CTNNA2: variants seen among roughly 807,000 people sequenced by gnomAD.
CTNNA2 encodes catenin alpha-2.
In CTNNA2, 42 loss-of-function variants were observed where a neutral mutation model predicts 101.0. That is an observed-to-expected ratio of 0.42 (90% CI 0.32 to 0.54). CTNNA2 has a LOEUF of 0.54. CTNNA2 is among the 20% of genes least tolerant of loss of function. The pLI is 0.14. For missense variants in CTNNA2, 871 were observed against 1,223.1 expected (o/e 0.71, Z 4.29); for synonymous variants, 450 against 456.4 (o/e 0.99, Z 0.18).
chr2:80,514,631 C>T (rs910045713), intron 9 of CTNNA2, among the ~76,000 whole-genome samples: 2 of 152,070 alleles, frequency 1.3e-5, no homozygotes, highest in Admixed American at 1.3e-4. Flanking sequence ...GGTGACCAGG[C>T]AGGCAGGTAA....
At chr2:80,594,145 C>A (rs1696745492) in intron 15 of CTNNA2, among the ~76,000 whole-genome samples, 1 of 152,112 alleles carries the variant, frequency 6.6e-6, no homozygotes, top group Non-Finnish European at 1.5e-5. Context: ...CACATCCTTG[C>A]CAAAACTTGT....
chr2:79,954,594 C>A (rs1689100690), intron 7 of CTNNA2, among the ~76,000 whole-genome samples: 1 of 152,148 alleles, frequency 6.6e-6, no homozygotes. Flanking sequence ...TTAGACTCAG[C>A]AAACTGTTTA....
At chr2:80,511,456 T>C (rs973150473) in intron 9 of CTNNA2, among the ~76,000 whole-genome samples, 1 of 152,228 alleles carries the variant, frequency 6.6e-6, no homozygotes, top group African/African-American at 2.4e-5. Flanking sequence ...ATACAACTTC[T>C]ATCCCAGTGT....
chr2:80,016,534 A>G (rs1385337813), intron 7 of CTNNA2, among the ~76,000 whole-genome samples: 2 of 152,202 alleles, frequency 1.3e-5, no homozygotes, highest in Non-Finnish European at 2.9e-5. Flanking sequence ...ATTTCAGGAA[A>G]TCAGTCCTGA....
At chr2:80,144,433 A>G (rs1379644413) in intron 7 of CTNNA2, among the ~76,000 whole-genome samples, 4 of 152,220 alleles carry the variant, frequency 2.6e-5, no homozygotes, top group African/African-American at 9.6e-5. Context: ...ATTCCTAAAG[A>G]CAAACAAGTA....
intron 7 of CTNNA2, among the ~76,000 whole-genome samples, chr2:80,087,233 G>T (rs1699499553): frequency 6.6e-6 from 1 of 151,966 alleles, no homozygotes; most frequent in Non-Finnish European, 1.5e-5. Flanking sequence ...CACTTTCTAT[G>T]TATATCCTGA....
At chr2:80,508,997 T>C (rs966812891) in intron 9 of CTNNA2, among the ~76,000 whole-genome samples, 1 of 152,202 alleles carries the variant, frequency 6.6e-6, no homozygotes, top group African/African-American at 2.4e-5. Flanking sequence ...CATGGATGCA[T>C]CTGATCTACC....
chr2:79,380,861 T>C (rs1678030394), intron 4 of CTNNA2, among the ~76,000 whole-genome samples: 1 of 152,174 alleles, frequency 6.6e-6, no homozygotes, highest in Non-Finnish European at 1.5e-5. Context: ...TGCACTGCAG[T>C]CCAGTATGCC....
At chr2:79,542,779 T>G (rs779450842) in intron 1 of CTNNA2, among the ~76,000 whole-genome samples, 1 of 152,162 alleles carries the variant, frequency 6.6e-6, no homozygotes, top group Non-Finnish European at 1.5e-5. Flanking sequence ...TTTATTTTAG[T>G]AAGACCATTT....
At chr2:79,210,904 A>G (rs1356563444) in intron 2 of CTNNA2, among the ~76,000 whole-genome samples, 2 of 152,090 alleles carry the variant, frequency 1.3e-5, no homozygotes, top group Admixed American at 1.3e-4. Context: ...AGTGTCTCTG[A>G]AGCCCTCCCT....
At chr2:80,522,145 G>A (rs1278122068) in intron 9 of CTNNA2, among the ~76,000 whole-genome samples, 1 of 152,166 alleles carries the variant, frequency 6.6e-6, no homozygotes, top group East Asian at 1.9e-4. Context: ...CTGAACAAAG[G>A]TCATGTCCAA....
At position 79,917,084 on chromosome 2, in the gene CTNNA2, T is replaced by TTTA. The variant is rs1180157875; in HGVS notation, c.1056+7289_1056+7290insATT. On this transcript the variant is annotated intron_variant, in intron 7 of 18. Coordinates refer to ENST00000402739, the MANE Select transcript of CTNNA2 (RefSeq NM_001282597.3). Reference sequence around the variant, plus strand: ...CCTTATTTATTTATTTATTTATTTATTTTTTTGAGACGGAGTCTTGCTTTG... The same window carrying TTTA: ...CCTTATTTATTTATTTATTTATTTATTTATTTTTTGAGACGGAGTCTTGCTTTG... Among the ~76,000 whole-genome samples the TTTA allele has an allele frequency of 1.8e-3, 228 of 127,936 alleles. 3 individuals are homozygous for TTTA. The East Asian group carries it at 0.066, about 37-fold the overall frequency. The allele number at this position is 127,936 out of a possible 152,430, so 83.9% of individuals were successfully genotyped here. A position where few individuals can be genotyped will look rare whatever the true frequency, so the allele number is the denominator to read the frequency against.
intron 9 of CTNNA2, among the ~76,000 whole-genome samples, chr2:80,458,925 A>C (rs1684199549): frequency 6.6e-6 from 1 of 152,226 alleles, no homozygotes; most frequent in Non-Finnish European, 1.5e-5. Flanking sequence ...CCATAAAATT[A>C]TAATGAAGCT....
intron 7 of CTNNA2, among the ~76,000 whole-genome samples, chr2:80,239,633 C>T (rs563944686): frequency 2.6e-5 from 4 of 152,106 alleles, no homozygotes; most frequent in African/African-American, 9.6e-5. Context: ...TAGTTATGGC[C>T]TGGCGTGGTG....
intron 2 of CTNNA2, among the ~76,000 whole-genome samples, chr2:79,667,239 A>G (rs548602174): frequency 6.6e-6 from 1 of 152,312 alleles, no homozygotes; most frequent in East Asian, 1.9e-4. Flanking sequence ...TTCATGTTTG[A>G]GAGTAGTCCC....
intron 9 of CTNNA2, among the ~76,000 whole-genome samples, chr2:80,454,495 T>C (rs1207487089): frequency 6.6e-6 from 1 of 152,228 alleles, no homozygotes; most frequent in East Asian, 1.9e-4. Flanking sequence ...CTGTTGGTGA[T>C]AATCAGCCAT....
intron 7 of CTNNA2, among the ~76,000 whole-genome samples, chr2:80,040,391 G>T (rs749047495): frequency 5.3e-5 from 8 of 152,282 alleles, no homozygotes; most frequent in Admixed American, 1.3e-4. Context: ...GCACAGAGAG[G>T]TTCAGTGACT....
At chr2:80,378,450 C>CAT (rs1225402531) in intron 7 of CTNNA2, among the ~76,000 whole-genome samples, 1 of 151,204 alleles carries the variant, frequency 6.6e-6, no homozygotes, top group Non-Finnish European at 1.5e-5. Flanking sequence ...AGTATACACA[C>CAT]ACACACACAC....
At chr2:80,088,420 T>C (rs1316415577) in intron 7 of CTNNA2, among the ~76,000 whole-genome samples, 1 of 152,040 alleles carries the variant, frequency 6.6e-6, no homozygotes, top group African/African-American at 2.4e-5. Context: ...CAGGCCACCT[T>C]TTAGCCTAAG....
Sources: allele counts gnomAD v4.1 joint callset (sites outside exome capture counted in the v4.1 genomes callset), GRCh38; gene constraint gnomAD v4.1.1; transcripts MANE v1.5; gene names NCBI Gene and HGNC (gene_info 2026-07-23, HGNC 2026-07-21).